The following UBR7 variants were observed in gnomAD, a reference collection of about 807,000 sequenced individuals.
UBR7 encodes the protein putative E3 ubiquitin-protein ligase UBR7.
A neutral mutation model predicts 57.0 loss-of-function variants in UBR7; 22 were observed. That is an observed-to-expected ratio of 0.39 (90% CI 0.28 to 0.55). The LOEUF (loss-of-function observed/expected upper bound fraction) is 0.55, where lower values mean the gene tolerates loss of function less well. Ranked by LOEUF, UBR7 falls within the 20% of genes least tolerant of loss-of-function variation. The pLI, the probability that UBR7 is intolerant of heterozygous loss-of-function variation, is 0.69. For missense variants in UBR7, 395 were observed against 513.2 expected (o/e 0.77, Z 2.23); for synonymous variants, 167 against 179.8 (o/e 0.93, Z 0.57).
rs370550165 is a variant in UBR7, at chr14:93,218,623, A to G, written c.698A>G (p.Asp233Gly). The G allele has an allele frequency of 1.9e-6, 3 of 1,614,046 alleles. No homozygotes were observed. The highest frequency in any genetic ancestry group is 2.5e-6 in the Non-Finnish European group (3 of 1,180,040). ...VIKPENGEHQ[D>G]STLKEDVPEQ... ...AAACCTGAAAATGGAGAGCATCAAG[A>G]TAGTACCCTCAAAGAGGATGTTCCA... is the stretch of plus-strand genomic sequence containing the variant. Residue 233 changes from aspartate to glycine, a missense_variant, in exon 7 of 11, where the codon GAT (aspartate) becomes GGT (glycine). By Grantham distance (94) the Asp-to-Gly change is moderately conservative (BLOSUM62 -1). Transcript: ENST00000013070.
chr14:93,225,278 G>A (rs562047915), intron 10 of UBR7, among the ~76,000 whole-genome samples: 6 of 151,946 alleles, frequency 3.9e-5, no homozygotes, highest in Admixed American at 3.3e-4. Flanking sequence ...CTTAGATGGT[G>A]GACTGCCTTT....
Position 93,227,663 on chromosome 14 carries a change from A to AT in UBR7, c.*630dup, listed in dbSNP as rs1266937799. On this transcript the variant is annotated 3_prime_UTR_variant, in exon 11 of 11. Transcript: ENST00000013070. ...CTGGATGTCTGTCACAGGCGGAGAG[A>AT]TTAACAGATGACAGGGTTGAGGAAG... 2.9e-6 allele frequency: 2 copies of AT among 700,862 alleles called. No individual in the cohort carries two copies. Among genetic ancestry groups the AT allele is most frequent in the Admixed American group, 4.0e-5 (2 of 50,010 alleles). 43.4% of individuals were successfully genotyped at this position (700,862 alleles called of 1,614,324 possible).
At chr14:93,220,510 A>G in intron 9 of UBR7, 99 bp downstream of exon 9, 1 of 1,437,132 alleles carries the variant, frequency 7.0e-7, no homozygotes, top group Non-Finnish European at 9.5e-7. Flanking sequence ...TAATACAAAG[A>G]ATTAAAATTT....
In UBR7 at chr14:93,229,147, T is replaced by C. The variant is rs1446600904; in HGVS notation, c.*2112T>C. ...TGTGCATTTTTGTAGAAATTGTTAC[T>C]GGACTTATAATTACATACTTAACTC... On this transcript the variant is annotated 3_prime_UTR_variant, in exon 11 of 11. Coordinates refer to ENST00000013070, the MANE Select transcript of UBR7 (RefSeq NM_175748.4). 1 of 348,230 alleles carries C rather than the reference T, an allele frequency of 2.9e-6. No homozygotes were observed. Among genetic ancestry groups the C allele is most frequent in the Non-Finnish European group, 5.6e-6 (1 of 177,696 alleles). The allele number at this position is 348,230 out of a possible 1,614,324, so 21.6% of individuals were successfully genotyped here.
chr14:93,211,557 GAAAA>G (rs1894485271), intron 3 of UBR7, among the ~76,000 whole-genome samples: 1 of 150,478 alleles, frequency 6.6e-6, no homozygotes. Context: ...AAAAAAAAAA[GAAAA>G]AGAAAAACCA....
chr14:93,213,957 C>T (rs1039872083), intron 4 of UBR7, among the ~76,000 whole-genome samples: 3 of 151,408 alleles, frequency 2.0e-5, no homozygotes, highest in Admixed American at 6.6e-5. Flanking sequence ...GACGGAGTTT[C>T]GCTCTGTCAC....
In UBR7 at chr14:93,226,986, A is replaced by G; in HGVS notation, c.1229A>G (p.Gln410Arg). The G allele has an allele frequency of 6.2e-7, 1 of 1,612,892 alleles. No homozygotes were observed. Among genetic ancestry groups the G allele is most frequent in the Non-Finnish European group, 8.5e-7 (1 of 1,179,300 alleles). The change falls in exon 11 of 11, where the codon CAG (glutamine) becomes CGG (arginine). Residue 410 changes from glutamine to arginine, a missense_variant. Transcript: ENST00000013070. ...EDIQQFFEEFQSKKRRRVDGM... is the reference protein window; with the variant it reads ...EDIQQFFEEFRSKKRRRVDGM... ...ATTCAGCAGTTCTTTGAAGAGTTTC[A>G]GTCAAAAAAGAGAAGAAGAGTGGAT...
chr14:93,215,492 C>T (rs1479850111), intron 6 of UBR7, among the ~76,000 whole-genome samples: 4 of 152,022 alleles, frequency 2.6e-5, no homozygotes, highest in African/African-American at 9.7e-5. Flanking sequence ...AGTTCGAGAC[C>T]AGCCTGGCCA....
chr14:93,226,343 G>A (rs1330242662), intron 10 of UBR7, among the ~76,000 whole-genome samples: 2 of 152,136 alleles, frequency 1.3e-5, no homozygotes, highest in East Asian at 1.9e-4. Context: ...ATAAGCATGT[G>A]TTACCTCAGT....
chr14:93,224,349 A>T (rs962557818), intron 10 of UBR7, among the ~76,000 whole-genome samples: 36 of 150,466 alleles, frequency 2.4e-4, no homozygotes, highest in African/African-American at 8.5e-4. Flanking sequence ...ATCACTGAGA[A>T]CAATTCCTAC....
At position 93,227,717 on chromosome 14, in the gene UBR7, C is replaced by T; in HGVS notation, c.*682C>T. The T allele has an allele frequency of 1.4e-6, 1 of 700,842 alleles. No individual in the cohort carries two copies. The allele number at this position is 700,842 out of a possible 1,614,324, so 43.4% of individuals were successfully genotyped here. A position where few individuals can be genotyped will look rare whatever the true frequency, so the allele number is the denominator to read the frequency against. ...GCCTTTGTTATGAATTTTACTAATA[C>T]AGTTCAAGTGAAATTTTCGTTCATG... On this transcript the variant is annotated 3_prime_UTR_variant, in exon 11 of 11. Coordinates refer to ENST00000013070, the MANE Select transcript of UBR7 (RefSeq NM_175748.4).
chr14:93,222,430 T>C, intron 10 of UBR7, 56 bp downstream of exon 10: 3 of 1,309,662 alleles, frequency 2.3e-6, no homozygotes, highest in Non-Finnish European at 2.2e-6. Context: ...ATGAAGGGTT[T>C]ATTTCCTTTG....
Position 93,222,425 on chromosome 14 carries a change from G to A in UBR7, c.1185+51G>A, listed in dbSNP as rs767302449. 4.3e-5 allele frequency: 58 copies of A among 1,340,998 alleles called. No homozygotes were observed. The South Asian group carries it at 6.7e-4, about 15-fold the overall frequency. The allele number at this position is 1,340,998 out of a possible 1,614,324, so 83.1% of individuals were successfully genotyped here. A position where few individuals can be genotyped will look rare whatever the true frequency, so the allele number is the denominator to read the frequency against. On this transcript the variant is annotated intron_variant, in intron 10 of 10. Transcript: ENST00000013070. ...CATAGCCCTGTAAGTTTTGAATGAA[G>A]GGTTTATTTCCTTTGACGATTAAAA...
intron 7 of UBR7, 70 bp from the exon 8 acceptor site, chr14:93,219,142 T>C: frequency 6.4e-7 from 1 of 1,552,336 alleles, no homozygotes; most frequent in Non-Finnish European, 8.8e-7. Flanking sequence ...AAGAAATCTC[T>C]TTACAAAATC....
Position 93,222,474 on chromosome 14 carries a change from G to C in UBR7, c.1185+100G>C, listed in dbSNP as rs545019102. The C allele has an allele frequency of 3.0e-5, 27 of 907,320 alleles. No individual in the cohort carries two copies. The East Asian group carries it at 6.6e-4, about 22-fold the overall frequency. The allele number at this position is 907,320 out of a possible 1,614,324, so 56.2% of individuals were successfully genotyped here. ...AAATGACTGCGACTGGCGGGGTGCG[G>C]TGGCTCACACCTGTAATCCCAGTAC... On this transcript the variant is annotated intron_variant, in intron 10 of 10. Transcript: ENST00000013070.
chr14:93,207,508 T>A, intron 1 of UBR7, 67 bp downstream of exon 1: 3 of 1,470,872 alleles, frequency 2.0e-6, no homozygotes, highest in Non-Finnish European at 2.7e-6. Context: ...GGCCCGGCTG[T>A]CCCTATTCCC....
intron 7 of UBR7, 40 bp from the exon 8 acceptor site, chr14:93,219,172 T>C: frequency 6.2e-7 from 1 of 1,604,328 alleles, no homozygotes; most frequent in Non-Finnish European, 8.5e-7. Flanking sequence ...AAAACTATGG[T>C]AGTTTAAAAA....
intron 10 of UBR7, among the ~76,000 whole-genome samples, chr14:93,223,079 C>A (rs1031985269): frequency 6.6e-6 from 1 of 152,116 alleles, no homozygotes; most frequent in African/African-American, 2.4e-5. Flanking sequence ...TTCTGGAATT[C>A]TAAGTTCCAT....
chr14:93,218,686 A>G lies in UBR7; in HGVS notation c.761A>G (p.Glu254Gly). The change falls in exon 7 of 11, where the codon GAG becomes GGG. Residue 254 changes from glutamate (E) to glycine (G), a missense_variant. Glu to Gly is a moderately conservative substitution (Grantham distance 98). Coordinates refer to ENST00000013070, the MANE Select transcript of UBR7 (RefSeq NM_175748.4). ...GATGATGTCCGGGAGGTTAAAGTAGAGCAGAACAGTGAACCATGTGCCGGC... is the reference window on the plus strand; with the variant it reads ...GATGATGTCCGGGAGGTTAAAGTAGGGCAGAACAGTGAACCATGTGCCGGC... ...GKDDVREVKV[E>G]QNSEPCAGSS... 1 of 1,614,194 alleles carries G rather than the reference A, an allele frequency of 6.2e-7. No individual in the cohort carries two copies. Among genetic ancestry groups the G allele is most frequent in the Non-Finnish European group, 8.5e-7 (1 of 1,180,046 alleles).
Sources: gnomAD v4.1 joint callset for allele counts (sites outside exome capture counted in the v4.1 genomes callset) on GRCh38, gnomAD v4.1.1 for gene constraint, MANE v1.5 for transcripts, NCBI Gene and HGNC (gene_info 2026-07-23, HGNC 2026-07-21) for gene names.